Variants in PRRX1 observed in about 807,000 individuals in gnomAD.
The protein encoded by PRRX1 is paired mesoderm homeobox protein 1.
Under a neutral mutation model 24.0 loss-of-function variants are expected in PRRX1, and 8 were observed. That is an observed-to-expected ratio of 0.33 (90% confidence interval 0.20 to 0.60). The LOEUF is 0.60. Ranked by LOEUF, PRRX1 falls within the 20% of genes least tolerant of loss-of-function variation. The pLI, the probability that PRRX1 is intolerant of heterozygous loss-of-function variation, is 0.82. For missense variants in PRRX1, 281 were observed against 322.4 expected, an observed-to-expected ratio of 0.87 and a Z score of 0.98; for synonymous variants, 160 against 131.7, an observed-to-expected ratio of 1.22 and a Z score of -1.47.
At chr1:170,665,374 T>A (rs1292076548) in intron 1 of PRRX1, among the ~76,000 whole-genome samples, 2 of 152,136 alleles carry the variant, frequency 1.3e-5, no homozygotes, top group Non-Finnish European at 2.9e-5. Flanking sequence ...AGACTGCAAT[T>A]GTATCCCCAT....
At chr1:170,717,431 T>G (rs1359988633) in intron 1 of PRRX1, among the ~76,000 whole-genome samples, 1 of 152,232 alleles carries the variant, frequency 6.6e-6, no homozygotes, top group Admixed American at 6.5e-5. Flanking sequence ...AAATAGGCTT[T>G]TGAAACAACA....
chr1:170,682,248 C>T (rs1210949631), intron 1 of PRRX1, among the ~76,000 whole-genome samples: 2 of 151,568 alleles, frequency 1.3e-5, no homozygotes, highest in Non-Finnish European at 2.9e-5. Flanking sequence ...CTCCAAACCC[C>T]TTCTCCCCTG....
chr1:170,669,725 C>T (rs74123152), intron 1 of PRRX1, among the ~76,000 whole-genome samples: 44 of 152,184 alleles, frequency 2.9e-4, no homozygotes, highest in African/African-American at 9.6e-4. Context: ...CCTCAGGTAC[C>T]GGATTGTTGC....
At chr1:170,709,020 C>T (rs1654659739) in intron 1 of PRRX1, among the ~76,000 whole-genome samples, 1 of 152,100 alleles carries the variant, frequency 6.6e-6, no homozygotes, top group African/African-American at 2.4e-5. Context: ...AAGAGAAGTA[C>T]CCAAAATATG....
At chr1:170,679,791 C>A (rs926485722) in intron 1 of PRRX1, among the ~76,000 whole-genome samples, 7 of 152,170 alleles carry the variant, frequency 4.6e-5, no homozygotes, top group African/African-American at 1.7e-4. Flanking sequence ...GAAGTGGCAA[C>A]TTACCCCATG....
intron 1 of PRRX1, among the ~76,000 whole-genome samples, chr1:170,675,385 T>C (rs1653285122): frequency 1.3e-5 from 2 of 152,142 alleles, no homozygotes; most frequent in South Asian, 4.1e-4. Flanking sequence ...GCTCACAAAA[T>C]TAGTCGGGGA....
At chr1:170,667,108 CAG>C (rs1290728906) in intron 1 of PRRX1, among the ~76,000 whole-genome samples, 1 of 152,082 alleles carries the variant, frequency 6.6e-6, no homozygotes, top group Admixed American at 6.6e-5. Context: ...GGGCTCATCT[CAG>C]AGTTACAATG....
chr1:170,682,678 G>C (rs550274700), intron 1 of PRRX1, among the ~76,000 whole-genome samples: 1 of 152,080 alleles, frequency 6.6e-6, no homozygotes, highest in East Asian at 1.9e-4. Context: ...ATTATGCTAG[G>C]TTCTGGGATG....
chr1:170,670,481 A>T (rs186246952), intron 1 of PRRX1, among the ~76,000 whole-genome samples: 13 of 152,284 alleles, frequency 8.5e-5, no homozygotes. Context: ...TTAGTGGTTC[A>T]GGGTTGGCAG....
intron 1 of PRRX1, among the ~76,000 whole-genome samples, chr1:170,694,677 TC>T (rs1274706655): frequency 6.6e-6 from 1 of 152,136 alleles, no homozygotes; most frequent in Admixed American, 6.6e-5. Flanking sequence ...AAGCAGATCT[TC>T]TTGTTGATTC....
At chr1:170,716,608 A>T (rs1185215842) in intron 1 of PRRX1, among the ~76,000 whole-genome samples, 1 of 151,946 alleles carries the variant, frequency 6.6e-6, no homozygotes. Context: ...AAATGTATTC[A>T]TGTTTCCGCT....
intron 1 of PRRX1, among the ~76,000 whole-genome samples, chr1:170,707,830 TTTCAAAGTAATTTAAAAA>T (rs1654615688): frequency 6.6e-6 from 1 of 152,176 alleles, no homozygotes; most frequent in Admixed American, 6.5e-5. Context: ...CAAAGTCCTT[TTTCAAAGTAATTTAAAAA>T]TTGGAAAATT....
chr1:170,690,823 A>T (rs1653920794), intron 1 of PRRX1, among the ~76,000 whole-genome samples: 1 of 152,128 alleles, frequency 6.6e-6, no homozygotes, highest in Non-Finnish European at 1.5e-5. Flanking sequence ...ATATTCAGAG[A>T]GATGGATATT....
At chr1:170,705,409 G>A in intron 1 of PRRX1, among the ~76,000 whole-genome samples, 1 of 152,002 alleles carries the variant, frequency 6.6e-6, no homozygotes, top group East Asian at 1.9e-4. Flanking sequence ...CAGCCTCCCA[G>A]GTAGCTGGGA....
Position 170,719,815 on chromosome 1 carries a change from C to A in PRRX1, c.331C>A (p.Arg111Ser). The A allele has an allele frequency of 1.2e-6, 2 of 1,614,162 alleles. No individual in the cohort carries two copies. Among genetic ancestry groups the A allele is most frequent in the Non-Finnish European group, 8.5e-7 (1 of 1,180,028 alleles). ...TAGCAGCCAGCTGCAGGCTTTGGAG[C>A]GTGTCTTTGAGCGGACACACTATCC... Reference protein sequence around the residue: ...FNSSQLQALERVFERTHYPDA... With the variant: ...FNSSQLQALESVFERTHYPDA... The change falls in exon 2 of 4, where the codon CGT (arginine) becomes AGT (serine). Residue 111 changes from arginine to serine, a missense_variant. Transcript: ENST00000239461.
At chr1:170,729,849 A>G (rs1230987146) in intron 3 of PRRX1, among the ~76,000 whole-genome samples, 1 of 152,174 alleles carries the variant, frequency 6.6e-6, no homozygotes, top group Non-Finnish European at 1.5e-5. Flanking sequence ...CCATTGCTTA[A>G]CTCAGAACTA....
intron 1 of PRRX1, among the ~76,000 whole-genome samples, chr1:170,673,356 A>G (rs1206482674): frequency 6.6e-6 from 1 of 152,214 alleles, no homozygotes; most frequent in Non-Finnish European, 1.5e-5. Flanking sequence ...GTAGTATACT[A>G]CTGGGACAGT....
chr1:170,694,097 G>C (rs1031236938), intron 1 of PRRX1, among the ~76,000 whole-genome samples: 2 of 152,024 alleles, frequency 1.3e-5, no homozygotes, highest in African/African-American at 4.8e-5. Context: ...AGGTGCAAGT[G>C]AGTCCAAACC....
chr1:170,665,127 T>G (rs1226580065), intron 1 of PRRX1, among the ~76,000 whole-genome samples: 1 of 152,114 alleles, frequency 6.6e-6, no homozygotes, highest in Middle Eastern at 3.2e-3. Context: ...TTGGGAAAAC[T>G]CGGGCCAAGC....
Sources: gnomAD v4.1 joint callset for allele counts (sites outside exome capture counted in the v4.1 genomes callset) on GRCh38, gnomAD v4.1.1 for gene constraint, MANE v1.5 for transcripts, NCBI Gene and HGNC (gene_info 2026-07-23, HGNC 2026-07-21) for gene names.